CPA6: variants seen among roughly 807,000 people sequenced by gnomAD.
CPA6 encodes the protein carboxypeptidase B.
Under a neutral mutation model 63.3 loss-of-function variants are expected in CPA6, and 58 were observed. That is an observed-to-expected ratio of 0.92 (90% CI 0.74 to 1.14). The LOEUF is 1.14. Among genes scored for constraint, CPA6 ranks in the 50% most tolerant of loss-of-function variants. The pLI, the probability that CPA6 is intolerant of heterozygous loss-of-function variation, is 0.00. For missense variants in CPA6, 565 were observed against 526.6 expected (o/e 1.07, Z -0.71); for synonymous variants, 185 against 179.0 (o/e 1.03, Z -0.27).
At chr8:67,605,472 A>G (rs1045488463) in intron 2 of CPA6, among the ~76,000 whole-genome samples, 1 of 151,780 alleles carries the variant, frequency 6.6e-6, no homozygotes, top group African/African-American at 2.4e-5. Flanking sequence ...GCCTAATACA[A>G]TGTAAATGTT....
intron 2 of CPA6, among the ~76,000 whole-genome samples, chr8:67,602,107 G>A (rs1263065839): frequency 2.6e-5 from 4 of 152,110 alleles, no homozygotes; most frequent in Non-Finnish European, 2.9e-5. Context: ...GTAAAACTGT[G>A]TGTATAGTTT....
At chr8:67,596,965 G>A (rs1368285040) in intron 2 of CPA6, among the ~76,000 whole-genome samples, 3 of 152,122 alleles carry the variant, frequency 2.0e-5, no homozygotes, top group Admixed American at 1.3e-4. Context: ...CATCATTTCA[G>A]GAGGCACATG....
intron 2 of CPA6, among the ~76,000 whole-genome samples, chr8:67,528,272 G>A (rs2128968445): frequency 6.6e-6 from 1 of 152,274 alleles, no homozygotes; most frequent in Admixed American, 6.5e-5. Context: ...CAAATGATGA[G>A]CAGGAGTTGG....
intron 2 of CPA6, among the ~76,000 whole-genome samples, chr8:67,621,297 ATGC>A (rs1020059151): frequency 5.3e-5 from 8 of 152,146 alleles, no homozygotes; most frequent in African/African-American, 1.9e-4. Flanking sequence ...GTAGGACTAT[ATGC>A]TGAGTTTGGT....
At chr8:67,446,861 G>C (rs1371668355) in intron 8 of CPA6, among the ~76,000 whole-genome samples, 1 of 152,122 alleles carries the variant, frequency 6.6e-6, no homozygotes, top group Non-Finnish European at 1.5e-5. Flanking sequence ...ACTGAGCGTA[G>C]TTAACATAGT....
intron 8 of CPA6, among the ~76,000 whole-genome samples, chr8:67,457,979 C>T (rs1269500561): frequency 6.6e-6 from 1 of 152,172 alleles, no homozygotes; most frequent in Non-Finnish European, 1.5e-5. Flanking sequence ...TCAAAAGCTA[C>T]TTGTCAGGCA....
chr8:67,594,836 T>A (rs1334409878), intron 2 of CPA6, among the ~76,000 whole-genome samples: 1 of 152,224 alleles, frequency 6.6e-6, no homozygotes, highest in Non-Finnish European at 1.5e-5. Context: ...TTTCCTCCTG[T>A]AGCTCAGAGT....
intron 8 of CPA6, among the ~76,000 whole-genome samples, chr8:67,444,654 G>A (rs1810373189): frequency 7.2e-6 from 1 of 138,088 alleles, no homozygotes; most frequent in Non-Finnish European, 1.5e-5. Context: ...TGTTGTGGCG[G>A]GTCCTGCAAT....
chr8:67,613,199 T>A (rs1814855866), intron 2 of CPA6, among the ~76,000 whole-genome samples: 1 of 152,240 alleles, frequency 6.6e-6, no homozygotes, highest in Non-Finnish European at 1.5e-5. Flanking sequence ...GTTTGCTCCA[T>A]CATTTTACAA....
At chr8:67,526,494 C>G (rs536193555) in intron 2 of CPA6, among the ~76,000 whole-genome samples, 1 of 152,240 alleles carries the variant, frequency 6.6e-6, no homozygotes, top group East Asian at 1.9e-4. Flanking sequence ...AACAGAGGAA[C>G]ATTATAGTCT....
At chr8:67,457,823 C>T (rs1459187384) in intron 8 of CPA6, among the ~76,000 whole-genome samples, 1 of 152,174 alleles carries the variant, frequency 6.6e-6, no homozygotes, top group Non-Finnish European at 1.5e-5. Context: ...CCACAAACAG[C>T]CACAGCCCCA....
chr8:67,453,653 T>C (rs1315523408), intron 8 of CPA6, among the ~76,000 whole-genome samples: 2 of 152,052 alleles, frequency 1.3e-5, no homozygotes, highest in Non-Finnish European at 2.9e-5. Flanking sequence ...ATTAAGAGTG[T>C]AGGGAAAAAA....
At chr8:67,493,112 C>T (rs1458003049) in intron 6 of CPA6, among the ~76,000 whole-genome samples, 3 of 152,136 alleles carry the variant, frequency 2.0e-5, no homozygotes, top group Admixed American at 6.6e-5. Context: ...GACGTGTTTG[C>T]TTACTCAGCT....
intron 2 of CPA6, among the ~76,000 whole-genome samples, chr8:67,568,833 C>T (rs1813409355): frequency 6.6e-6 from 1 of 152,198 alleles, no homozygotes; most frequent in Non-Finnish European, 1.5e-5. Context: ...TCACTGCAAC[C>T]TCCGCCTCCC....
At chr8:67,595,677 C>T (rs900664411) in intron 2 of CPA6, among the ~76,000 whole-genome samples, 1 of 152,204 alleles carries the variant, frequency 6.6e-6, no homozygotes, top group Non-Finnish European at 1.5e-5. Flanking sequence ...GGGTGTAGGA[C>T]CTTCCGAGCC....
chr8:67,714,271 CA>C (rs1817332751), intron 1 of CPA6, among the ~76,000 whole-genome samples: 1 of 152,074 alleles, frequency 6.6e-6, no homozygotes, highest in South Asian at 2.1e-4. Flanking sequence ...TACTCAAAAT[CA>C]GAGTGGAAAG....
intron 8 of CPA6, among the ~76,000 whole-genome samples, chr8:67,477,206 G>A (rs2128960323): frequency 6.7e-6 from 1 of 149,088 alleles, no homozygotes. Flanking sequence ...CAGGAGAATG[G>A]CTGAACCTGG....
intron 1 of CPA6, among the ~76,000 whole-genome samples, chr8:67,715,588 A>G (rs1817360935): frequency 6.6e-6 from 1 of 152,222 alleles, no homozygotes; most frequent in African/African-American, 2.4e-5. Context: ...AAGGAAAAAC[A>G]CTCGGTTATT....
intron 1 of CPA6, among the ~76,000 whole-genome samples, chr8:67,666,554 A>G (rs1435938829): frequency 6.6e-6 from 1 of 152,148 alleles, no homozygotes; most frequent in East Asian, 1.9e-4. Context: ...CTCTTTGCTA[A>G]TGGGAACAGG....
Sources: gnomAD v4.1 joint callset for allele counts (sites outside exome capture counted in the v4.1 genomes callset) on GRCh38, gnomAD v4.1.1 for gene constraint, MANE v1.5 for transcripts, NCBI Gene and HGNC (gene_info 2026-07-23, HGNC 2026-07-21) for gene names.